The following WDR44 variants were observed in gnomAD, a reference collection of about 807,000 sequenced individuals.
WDR44 encodes WD repeat domain 44.
Under a neutral mutation model 65.7 loss-of-function variants are expected in WDR44, and 9 were observed. The observed-to-expected ratio is 0.14, with a 90% CI of 0.08 to 0.24. The LOEUF is 0.24. Among genes scored for constraint, WDR44 ranks in the 10% least tolerant of loss-of-function variants. WDR44 has a pLI of 1.00. For synonymous variants in WDR44, 220 were observed against 235.2 expected, an observed-to-expected ratio of 0.94 and a Z score of 0.59; for missense variants, 425 against 670.9, an observed-to-expected ratio of 0.63 and a Z score of 4.05.
chrX:118,371,766 C>G (rs1343154318), intron 1 of WDR44, among the ~76,000 whole-genome samples: 3 of 110,752 alleles, frequency 2.7e-5, no homozygotes, highest in Non-Finnish European at 5.7e-5. Flanking sequence ...TTTGGTTTGT[C>G]GGGTTTTCTT....
chrX:118,401,997 T>A (rs2056920519), intron 8 of WDR44, among the ~76,000 whole-genome samples: 1 of 106,090 alleles, frequency 9.4e-6, no homozygotes, highest in Non-Finnish European at 1.9e-5. Context: ...CAACTTGCTG[T>A]TTTTTGTTTT....
At chrX:118,408,770 C>T (rs1456903836) in intron 10 of WDR44, among the ~76,000 whole-genome samples, 2 of 111,923 alleles carry the variant, frequency 1.8e-5, no homozygotes, top group African/African-American at 6.5e-5. Flanking sequence ...TTTAGTCTTC[C>T]TCAGTCCTGC....
At chrX:118,415,558 C>T (rs1365391876) in intron 12 of WDR44, among the ~76,000 whole-genome samples, 1 of 111,873 alleles carries the variant, frequency 8.9e-6, no homozygotes, top group Non-Finnish European at 1.9e-5. Context: ...GGCTGGAGTG[C>T]AGTGGCGCAA....
chrX:118,424,461 C>G (rs1284252852), intron 12 of WDR44, among the ~76,000 whole-genome samples: 1 of 106,230 alleles, frequency 9.4e-6, no homozygotes, highest in Non-Finnish European at 1.9e-5. Context: ...TTTTCATGTA[C>G]TCATTGGCCA....
At chrX:118,437,513 C>G (rs1257352190) in intron 14 of WDR44, among the ~76,000 whole-genome samples, 1 of 111,748 alleles carries the variant, frequency 8.9e-6, no homozygotes, top group Non-Finnish European at 1.9e-5. Context: ...GCAGAGGACT[C>G]GAGCTGACCC....
At chrX:118,435,406 G>A (rs1035707694) in intron 13 of WDR44, among the ~76,000 whole-genome samples, 2 of 112,069 alleles carry the variant, frequency 1.8e-5, no homozygotes, top group Admixed American at 1.9e-4. Flanking sequence ...GCCTCCCCGA[G>A]TAGCTGGAAT....
chrX:118,372,775 G>A (rs891819575), intron 1 of WDR44, among the ~76,000 whole-genome samples: 6 of 111,867 alleles, frequency 5.4e-5, no homozygotes, highest in African/African-American at 2.0e-4. Flanking sequence ...AAATGCAGGC[G>A]CATGGCTGAC....
chrX:118,363,348 C>T (rs1435050172), intron 1 of WDR44, among the ~76,000 whole-genome samples: 1 of 100,932 alleles, frequency 9.9e-6, no homozygotes, highest in Non-Finnish European at 2.0e-5. Flanking sequence ...TTGCAGTGAG[C>T]CAAGATCGTG....
rs765575992 is a variant in WDR44, at chrX:118,397,041, G to A, written c.1125G>A (p.Glu375=). Residue 375 remains glutamate, a synonymous_variant, in exon 7 of 20, where the codon GAG becomes GAA. Transcript: ENST00000254029. ...AAATACCTTTGAGTCTTGCAGAAGA[G>A]AAACTACCAACAGGCATTAATCCTC... ...GEEIPLSLAE[E]KLPTGINPLT... is the part of the protein sequence containing the mutation. 2 of 1,200,343 alleles carry A rather than the reference G, an allele frequency of 1.7e-6. No homozygotes were observed. Among genetic ancestry groups the A allele is most frequent in the Non-Finnish European group, 1.1e-6 (1 of 890,404 alleles).
chrX:118,381,239 C>T (rs757227785), intron 2 of WDR44, among the ~76,000 whole-genome samples: 26 of 111,432 alleles, frequency 2.3e-4, no homozygotes, highest in Non-Finnish European at 3.8e-4. Flanking sequence ...GAGGCTGAGA[C>T]GGGCAGATCA....
rs373703353 is a variant in WDR44, at chrX:118,420,107, A to G, written c.1737+9148A>G. ...TCCCTAATTGTCACACACATCGTCT[A>G]GGTCTTCAACACTCATTTAAATGCT... is the stretch of plus-strand genomic sequence containing the variant. On this transcript the variant is annotated intron_variant, in intron 12 of 19. Coordinates refer to ENST00000254029, the MANE Select transcript of WDR44 (RefSeq NM_019045.5). Among the ~76,000 whole-genome samples, 20 of 109,791 alleles carry G rather than the reference A, an allele frequency of 1.8e-4. No individual in the cohort carries two copies. The South Asian group carries it at 7.6e-3, about 41-fold the overall frequency.
intron 8 of WDR44, among the ~76,000 whole-genome samples, chrX:118,403,524 A>G (rs150122544): frequency 0.01 from 1,153 of 111,480 alleles, 8 homozygotes; most frequent in Non-Finnish European, 0.018. Flanking sequence ...GTTTATTTCC[A>G]CTTTTTGACT....
At chrX:118,442,120 C>G in intron 15 of WDR44, 124 bp from the exon 16 acceptor site, 4 of 525,983 alleles carry the variant, frequency 7.6e-6, no homozygotes, top group Non-Finnish European at 1.3e-5. Flanking sequence ...TTGCTCACTA[C>G]AGCCTCGAAC....
intron 1 of WDR44, among the ~76,000 whole-genome samples, chrX:118,357,899 C>T (rs2056475598): frequency 9.2e-6 from 1 of 108,962 alleles, no homozygotes; most frequent in Admixed American, 9.8e-5. Context: ...CACAGCTGGG[C>T]GCGGTGGCTC....
chrX:118,383,878 C>CTTTTTTTTTTTTTTT (rs549809406), intron 2 of WDR44, among the ~76,000 whole-genome samples: 4 of 69,838 alleles, frequency 5.7e-5, no homozygotes, highest in Admixed American at 2.1e-4. Flanking sequence ...TTTTTAATTT[C>CTTTTTTTTTTTTTTT]TTTTTTTTTT....
chrX:118,426,070 G>A (rs189614092), intron 12 of WDR44, among the ~76,000 whole-genome samples: 162 of 111,923 alleles, frequency 1.4e-3, no homozygotes, highest in Non-Finnish European at 2.6e-3. Flanking sequence ...GCAAGACTCC[G>A]TCTAAAAAAG....
chrX:118,447,906 A>T (rs200749491), intron 19 of WDR44, among the ~76,000 whole-genome samples: 1 of 67,093 alleles, frequency 1.5e-5, no homozygotes, highest in African/African-American at 7.1e-5. Context: ...ATATATATAT[A>T]TATATATACT....
intron 9 of WDR44, among the ~76,000 whole-genome samples, chrX:118,404,930 G>C (rs1290718972): frequency 9.0e-6 from 1 of 111,635 alleles, no homozygotes; most frequent in Admixed American, 9.5e-5. Flanking sequence ...TCGATCTCCT[G>C]ACCTCGTGAT....
intron 3 of WDR44, among the ~76,000 whole-genome samples, chrX:118,390,454 A>C (rs867671825): frequency 8.9e-6 from 1 of 111,732 alleles, no homozygotes; most frequent in South Asian, 3.7e-4. Flanking sequence ...GAGCTAGCCT[A>C]TATACAGCTC....
Sources: gnomAD v4.1 joint callset for allele counts (sites outside exome capture counted in the v4.1 genomes callset) on GRCh38, gnomAD v4.1.1 for gene constraint, MANE v1.5 for transcripts, NCBI Gene and HGNC (gene_info 2026-07-23, HGNC 2026-07-21) for gene names.